The following EEF1AKMT1 variants were observed in gnomAD, a reference collection of about 807,000 sequenced individuals.
The protein encoded by EEF1AKMT1 is EEF1A lysine methyltransferase 1.
EEF1AKMT1 carries 18 observed loss-of-function variants against 21.0 expected under a neutral mutation model. The observed-to-expected ratio is 0.86, with a 90% confidence interval of 0.59 to 1.27. The LOEUF is 1.27. Ranked by LOEUF, EEF1AKMT1 falls within the 50% of genes most tolerant of loss-of-function variation. The pLI, the probability that EEF1AKMT1 is intolerant of heterozygous loss-of-function variation, is 0.00. For missense variants in EEF1AKMT1, 246 were observed against 258.6 expected (o/e 0.95, Z 0.33); for synonymous variants, 109 against 94.8 (o/e 1.15, Z -0.87).
rs529625889 is a variant in EEF1AKMT1 at position 20,736,695 on chromosome 13, C to T, written c.227+1028G>A. Among the ~76,000 whole-genome samples, 6 of 146,806 alleles carry T rather than the reference C, an allele frequency of 4.1e-5. No homozygotes were observed. The South Asian group carries it at 6.5e-4, about 16-fold the overall frequency. ...AGAGTTTGGGGGTTAATCAGGGATA[C>T]GGATATAGAATACATTAAGCCTTTT... On this transcript the variant is annotated intron_variant, in intron 3 of 4. Transcript: ENST00000382758.
intron 2 of EEF1AKMT1, among the ~76,000 whole-genome samples, chr13:20,748,574 G>C (rs1018733821): frequency 6.6e-6 from 1 of 151,894 alleles, no homozygotes; most frequent in African/African-American, 2.4e-5. Flanking sequence ...ATCATTTATT[G>C]CCACATCTCT....
chr13:20,773,838 C>A (rs1566542176), intron 1 of EEF1AKMT1, 83 bp downstream of exon 1: 1 of 152,644 alleles, frequency 6.6e-6, no homozygotes, highest in South Asian at 2.1e-4. Context: ...GAGAAACAAA[C>A]ACACAAAAGG....
intron 3 of EEF1AKMT1, 96 bp from the exon 4 acceptor site, chr13:20,732,217 C>G: frequency 7.4e-7 from 1 of 1,353,546 alleles, no homozygotes; most frequent in East Asian, 2.3e-5. Flanking sequence ...TCCGAGTGCT[C>G]AGAGTTTCTT....
intron 2 of EEF1AKMT1, among the ~76,000 whole-genome samples, chr13:20,750,825 T>C (rs1286606567): frequency 6.6e-6 from 1 of 152,212 alleles, no homozygotes; most frequent in African/African-American, 2.4e-5. Context: ...GAGTTCCCTT[T>C]CCTCCACACC....
At chr13:20,742,907 C>T (rs1566531141) in intron 2 of EEF1AKMT1, among the ~76,000 whole-genome samples, 1 of 152,110 alleles carries the variant, frequency 6.6e-6, no homozygotes, top group Admixed American at 6.6e-5. Context: ...ATATTTTCTC[C>T]TCGTCTTTCT....
At chr13:20,746,545 G>A (rs1409555030) in intron 2 of EEF1AKMT1, among the ~76,000 whole-genome samples, 1 of 152,162 alleles carries the variant, frequency 6.6e-6, no homozygotes, top group Non-Finnish European at 1.5e-5. Flanking sequence ...TACAGAGAAT[G>A]GAAGGGCTTT....
chr13:20,766,503 CTG>C, intron 1 of EEF1AKMT1, among the ~76,000 whole-genome samples: 1 of 152,088 alleles, frequency 6.6e-6, no homozygotes, highest in East Asian at 1.9e-4. Context: ...AGCTGTGACT[CTG>C]TTATTTAAGA....
chr13:20,731,780 C>A (rs1174837738), intron 4 of EEF1AKMT1, 61 bp downstream of exon 4: 21 of 1,530,052 alleles, frequency 1.4e-5, no homozygotes, highest in Non-Finnish European at 1.9e-5. Context: ...TTTTTCTTGA[C>A]CCTGAAGACC....
At chr13:20,760,992 A>G (rs1310866487) in intron 1 of EEF1AKMT1, among the ~76,000 whole-genome samples, 1 of 152,110 alleles carries the variant, frequency 6.6e-6, no homozygotes, top group Non-Finnish European at 1.5e-5. Flanking sequence ...CCTTCCACCT[A>G]TTTTTCCACA....
Position 20,728,998 on chromosome 13 carries a change from A to C in EEF1AKMT1, c.*82T>G, listed in dbSNP as rs2141407522. The C allele has an allele frequency of 6.4e-7, 1 of 1,561,274 alleles. No individual in the cohort carries two copies. Among genetic ancestry groups the C allele is most frequent in the East Asian group, 2.3e-5 (1 of 44,436 alleles). On this transcript the variant is annotated 3_prime_UTR_variant, in exon 5 of 5. Coordinates refer to ENST00000382758, the MANE Select transcript of EEF1AKMT1 (RefSeq NM_001318939.2). ...CTCCAGTTTGGGGGGAGGGGAAGAG[A>C]TTATAACTTTTAAATCTACTACGAA...
At chr13:20,731,209 G>A (rs1280519613) in intron 4 of EEF1AKMT1, among the ~76,000 whole-genome samples, 3 of 152,184 alleles carry the variant, frequency 2.0e-5, no homozygotes, top group African/African-American at 4.8e-5. Context: ...ATGGAGTCTT[G>A]CTGTGTTGCC....
intron 2 of EEF1AKMT1, among the ~76,000 whole-genome samples, chr13:20,751,400 T>G (rs889239605): frequency 6.6e-6 from 1 of 152,228 alleles, no homozygotes; most frequent in African/African-American, 2.4e-5. Context: ...ATATCTAATA[T>G]TTCTAGCACC....
At position 20,731,863 on chromosome 13, in the gene EEF1AKMT1, C is replaced by G; in HGVS notation, c.486G>C (p.Arg162=). ...KTSETVKYLT[R]GKILLCTGAI... is the part of the protein sequence containing the mutation. ...TACCTGTGCACAGCAGAATCTTGCC[C>G]CGCGTCAGGTACTTGACGGTTTCCG... is the stretch of plus-strand genomic sequence containing the variant. The change falls in exon 4 of 5, where the codon CGG becomes CGC. Residue 162 remains arginine (R), a synonymous_variant. Coordinates refer to ENST00000382758, the MANE Select transcript of EEF1AKMT1 (RefSeq NM_001318939.2). 1.2e-6 allele frequency: 2 copies of G among 1,613,814 alleles called. No individual in the cohort carries two copies. The highest frequency in any genetic ancestry group is 8.5e-7 in the Non-Finnish European group (1 of 1,179,768).
At chr13:20,748,722 T>TTTTTTTTGTTGTTG (rs749328042) in intron 2 of EEF1AKMT1, among the ~76,000 whole-genome samples, 2 of 78,702 alleles carry the variant, frequency 2.5e-5, no homozygotes, top group South Asian at 5.5e-4. Flanking sequence ...GTTGTTTTTT[T>TTTTTTTTGTTGTTG]TTGGTTTTTT....
At chr13:20,739,791 T>C (rs1230687295) in intron 2 of EEF1AKMT1, among the ~76,000 whole-genome samples, 2 of 152,238 alleles carry the variant, frequency 1.3e-5, no homozygotes, top group East Asian at 1.9e-4. Flanking sequence ...AGAGTGCTGA[T>C]TGGTGCATTT....
intron 1 of EEF1AKMT1, chr13:20,769,000 T>C (rs927818232): frequency 1.3e-5 from 2 of 152,006 alleles, no homozygotes; most frequent in Admixed American, 1.3e-4. Context: ...GACCTGAGAC[T>C]ATGCCTTTAT....
intron 3 of EEF1AKMT1, among the ~76,000 whole-genome samples, chr13:20,735,596 T>C (rs2058822162): frequency 1.3e-5 from 2 of 151,696 alleles, no homozygotes; most frequent in Admixed American, 1.3e-4. Context: ...GACACGGGGG[T>C]TCCCTAGGAG....
intron 1 of EEF1AKMT1, among the ~76,000 whole-genome samples, chr13:20,764,015 CT>C (rs2059014385): frequency 6.6e-6 from 1 of 151,884 alleles, no homozygotes; most frequent in African/African-American, 2.4e-5. Context: ...TTTTTTCTTA[CT>C]AAAGGTTCAT....
chr13:20,728,815 T>G lies in EEF1AKMT1; in HGVS notation c.*265A>C. ...ACAACTGTTCTTCTGTTTTTACACA[T>G]GTTAAATGAGGAGAGAAGATCAGGC... On this transcript the variant is annotated 3_prime_UTR_variant, in exon 5 of 5. Transcript: ENST00000382758. 1 of 465,706 alleles carries G rather than the reference T, an allele frequency of 2.1e-6. No individual in the cohort carries two copies. Among genetic ancestry groups the G allele is most frequent in the Non-Finnish European group, 3.9e-6 (1 of 254,688 alleles). 28.8% of individuals were successfully genotyped at this position (465,706 alleles called of 1,614,324 possible).
Sources: allele counts gnomAD v4.1 joint callset (sites outside exome capture counted in the v4.1 genomes callset), GRCh38; gene constraint gnomAD v4.1.1; transcripts MANE v1.5; gene names NCBI Gene and HGNC (gene_info 2026-07-23, HGNC 2026-07-21).